Variants in METTL22 observed in about 807,000 individuals in gnomAD.
METTL22 encodes the protein methyltransferase-like protein 22.
In METTL22, 51 loss-of-function variants were observed where a neutral mutation model predicts 48.4. The observed-to-expected ratio is 1.05, with a 90% CI of 0.84 to 1.33. METTL22 has a LOEUF of 1.33. Ranked by LOEUF, METTL22 falls within the 40% of genes most tolerant of loss-of-function variation. The pLI is 0.00. For missense variants in METTL22, 678 were observed against 526.9 expected, an observed-to-expected ratio of 1.29 and a Z score of -2.81; for synonymous variants, 255 against 214.1, an observed-to-expected ratio of 1.19 and a Z score of -1.67.
the METTL22 span, among the ~76,000 whole-genome samples, chr16:8,660,963 C>T: frequency 0.011 from 1,659 of 151,150 alleles, 44 homozygotes; most frequent in African/African-American, 0.039. Flanking sequence ...ACCAGGGATC[C>T]GGACTCTGGC....
chr16:8,645,347 A>C (rs184367201), intron 10 of METTL22, among the ~76,000 whole-genome samples: 37 of 152,278 alleles, frequency 2.4e-4, no homozygotes, highest in South Asian at 6.2e-4. Context: ...GCAGCATGGA[A>C]TTCGTGTGGT....
intron 9 of METTL22, 64 bp from the exon 10 acceptor site, chr16:8,644,493 C>T (rs11645418): frequency 0.87 from 1,292,636 of 1,479,810 alleles, 568,326 homozygotes; most frequent in East Asian, 1. Flanking sequence ...GCAAGGTGGG[C>T]AGAAACAGCA....
the METTL22 span, among the ~76,000 whole-genome samples, chr16:8,657,460 C>G: frequency 6.6e-6 from 1 of 152,174 alleles, no homozygotes; most frequent in African/African-American, 2.4e-5. Flanking sequence ...CCAACAATAG[C>G]TTTGCCTGTG....
At chr16:8,652,078 C>G (rs537282041), downstream of METTL22, among the ~76,000 whole-genome samples, 107 of 152,314 alleles carry the variant, frequency 7.0e-4, no homozygotes, top group African/African-American at 2.6e-3. Flanking sequence ...CAGCTCCACT[C>G]CACTTCCACG....
At chr16:8,626,319 C>T (rs2056048967) in intron 2 of METTL22, among the ~76,000 whole-genome samples, 1 of 152,138 alleles carries the variant, frequency 6.6e-6, no homozygotes. Flanking sequence ...GTTTCCTGAG[C>T]ACCTATTGTG....
chr16:8,650,318 A>G (rs1482095243), downstream of METTL22, among the ~76,000 whole-genome samples: 1 of 152,130 alleles, frequency 6.6e-6, no homozygotes, highest in Non-Finnish European at 1.5e-5. Flanking sequence ...ACAGACAGAG[A>G]CGCTATTTCT....
At chr16:8,628,426 G>T (rs1301206426) in intron 2 of METTL22, among the ~76,000 whole-genome samples, 1 of 152,064 alleles carries the variant, frequency 6.6e-6, no homozygotes, top group Non-Finnish European at 1.5e-5. Context: ...CTCAGTTTCT[G>T]GGTCTGTAAG....
chr16:8,656,481 G>C, the METTL22 span, among the ~76,000 whole-genome samples: 1 of 152,202 alleles, frequency 6.6e-6, no homozygotes, highest in Admixed American at 6.5e-5. Context: ...CAGCCACTAG[G>C]CAAAACCTGG....
chr16:8,639,053 G>A (rs2056510622), intron 5 of METTL22, 38 bp from the exon 6 acceptor site: 1 of 1,606,638 alleles, frequency 6.2e-7, no homozygotes, highest in African/African-American at 1.3e-5. Flanking sequence ...AAGTGTCGTA[G>A]TGGCTGGCAC....
At chr16:8,651,817 G>A (rs902373637), downstream of METTL22, among the ~76,000 whole-genome samples, 1 of 152,162 alleles carries the variant, frequency 6.6e-6, no homozygotes, top group Non-Finnish European at 1.5e-5. Context: ...TGAACAATGA[G>A]AACACAAGGA....
chr16:8,640,370 C>T (rs759533461), intron 6 of METTL22, among the ~76,000 whole-genome samples: 1 of 152,010 alleles, frequency 6.6e-6, no homozygotes, highest in Non-Finnish European at 1.5e-5. Context: ...GGTTAACCTG[C>T]CAGTCTCTCC....
chr16:8,642,541 C>A lies in METTL22; in HGVS notation c.986C>A (p.Thr329Lys). 1.2e-6 allele frequency: 2 copies of A among 1,614,216 alleles called. No homozygotes were observed. The highest frequency in any genetic ancestry group is 1.7e-6 in the Non-Finnish European group (2 of 1,180,042). Residue 329 changes from threonine (T) to lysine (K), a missense_variant, in exon 9 of 11, where the codon ACA becomes AAA. By Grantham distance (78) the Thr-to-Lys change is moderately conservative (BLOSUM62 -1). Transcript: ENST00000381920. Reference sequence around the variant, plus strand: ...GCCCACAGATTGAAAAATGCCTGCACAGCCATACTGTCGGTGGAGAAGAGG... The same window carrying A: ...GCCCACAGATTGAAAAATGCCTGCAAAGCCATACTGTCGGTGGAGAAGAGG... ...RLAHRLKNAC[T>K]AILSVEKRLN...
downstream of METTL22, among the ~76,000 whole-genome samples, chr16:8,653,668 G>C (rs2056928550): frequency 6.6e-6 from 1 of 152,190 alleles, no homozygotes; most frequent in Non-Finnish European, 1.5e-5. Context: ...AGGATTTGGA[G>C]ATTTTAAGTG....
intron 5 of METTL22, among the ~76,000 whole-genome samples, chr16:8,637,738 GCACT>G (rs1466408325): frequency 6.6e-6 from 1 of 152,206 alleles, no homozygotes; most frequent in Non-Finnish European, 1.5e-5. Context: ...TGGGGAGAAC[GCACT>G]CAGGGCACCA....
chr16:8,642,560 GAA>G lies in METTL22; in HGVS notation c.1006_1007del (p.Lys336GlufsTer14). ...CCTGCACAGCCATACTGTCGGTGGA[GAA>G]GAGGTGAGCTTTGCGCCACGGGAAC... ...NACTAILSVEKRLNFTLRHLD... is the reference protein window; with the variant it reads ...NACTAILSVEXRLNFTLRHLD... On this transcript the variant is annotated frameshift_variant, in exon 9 of 11. Transcript: ENST00000381920. LOFTEE classifies it high-confidence loss of function. 6.2e-7 allele frequency: 1 copy of G among 1,614,170 alleles called. No individual in the cohort carries two copies. Among genetic ancestry groups the G allele is most frequent in the Non-Finnish European group, 8.5e-7 (1 of 1,180,004 alleles).
chr16:8,651,878 A>T (rs1022973979), downstream of METTL22, among the ~76,000 whole-genome samples: 36 of 152,132 alleles, frequency 2.4e-4, no homozygotes, highest in African/African-American at 7.2e-4. Flanking sequence ...ATGGGGGACG[A>T]GGAGGGAGAG....
rs1406391890 is a variant in METTL22 at position 8,640,893 on chromosome 16, AATGG to A, written c.773-189_773-186del. 5.4e-4 allele frequency among the ~76,000 whole-genome samples: 7 copies of A among 12,932 alleles called. 1 individual carries two copies. The highest frequency in any genetic ancestry group is 1.9e-3 in the African/African-American group (7 of 3,754). The allele number at this position is 12,932 out of a possible 152,430, so 8.5% of individuals were successfully genotyped here. A position where few individuals can be genotyped will look rare whatever the true frequency, so the allele number is the denominator to read the frequency against. ...AGATGGGCAGGTGGGTGGGTGGGTGAATGGATGGATGGATGGATGGATGGATGGA... is the reference window on the plus strand; with the variant it reads ...AGATGGGCAGGTGGGTGGGTGGGTGAATGGATGGATGGATGGATGGATGGA... On this transcript the variant is annotated intron_variant, in intron 6 of 10. Transcript: ENST00000381920.
intron 6 of METTL22, among the ~76,000 whole-genome samples, 173 bp from the exon 7 acceptor site, chr16:8,640,954 ATGGC>A (rs1317644436): frequency 9.1e-5 from 3 of 32,988 alleles, no homozygotes; most frequent in African/African-American, 3.2e-4. Context: ...GGGTGGGTGG[ATGGC>A]TGGCTGGCTG....
the METTL22 span, among the ~76,000 whole-genome samples, chr16:8,661,066 G>A: frequency 3.9e-5 from 6 of 152,124 alleles, no homozygotes; most frequent in East Asian, 3.9e-4. Flanking sequence ...CAGGTTCCGC[G>A]GCTTGAGGGA....
Sources: gnomAD v4.1 joint callset for allele counts (sites outside exome capture counted in the v4.1 genomes callset) on GRCh38, gnomAD v4.1.1 for gene constraint, MANE v1.5 for transcripts, NCBI Gene and HGNC (gene_info 2026-07-23, HGNC 2026-07-21) for gene names.